Variants in CARHSP1 observed in about 807,000 individuals in gnomAD.
The protein encoded by CARHSP1 is calcium-regulated heat-stable protein 1.
In CARHSP1, 14 loss-of-function variants were observed where a neutral mutation model predicts 12.5. The observed-to-expected ratio is 1.12, with a 90% confidence interval of 0.74 to 1.75. The LOEUF (loss-of-function observed/expected upper bound fraction) is 1.75, where lower values mean the gene tolerates loss of function less well. Among genes scored for constraint, CARHSP1 ranks in the 40% most tolerant of loss-of-function variants. The pLI, the probability that CARHSP1 is intolerant of heterozygous loss-of-function variation, is 0.00. For missense variants in CARHSP1, 343 were observed against 201.6 expected, an observed-to-expected ratio of 1.70 and a Z score of -4.25; for synonymous variants, 161 against 82.0, an observed-to-expected ratio of 1.96 and a Z score of -5.20.
Position 8,858,477 on chromosome 16 carries a change from C to CAA in CARHSP1, c.159-6_159-5insTT, listed in dbSNP as rs775378423. 8 of 1,613,068 alleles carry CAA rather than the reference C, an allele frequency of 5.0e-6. No homozygotes were observed. Among genetic ancestry groups the CAA allele is most frequent in the Non-Finnish European group, 5.9e-6 (7 of 1,179,878 alleles). On this transcript the variant is annotated splice_region_variant and splice_polypyrimidine_tract_variant and intron_variant, in intron 2 of 3. Coordinates refer to ENST00000311052, the MANE Select transcript of CARHSP1 (RefSeq NM_014316.4). ...CCCTGTGAAGCCCGCACCGTCCTGA[C>CAA]AGAGAGGGGGAAATGTCAGGGGCCC...
At chr16:8,861,824 A>G in intron 1 of CARHSP1, 1 of 1,196,100 alleles carries the variant, frequency 8.4e-7, no homozygotes, top group Non-Finnish European at 1.1e-6. Flanking sequence ...CAACGCCCAG[A>G]GTTCCAGGAA....
At chr16:8,858,516 G>GGGCACACAAAGCTCATTCCAGCCCCTGCC (rs1567183242) in intron 2 of CARHSP1, 44 bp from the exon 3 acceptor site, 1 of 1,603,474 alleles carries the variant, frequency 6.2e-7, no homozygotes, top group South Asian at 1.1e-5. Context: ...CAGCGCTCCT[G>GGGCACACAAAGCTCATTCCAGCCCCTGCC]GGCACACAAA....
intron 1 of CARHSP1, among the ~76,000 whole-genome samples, chr16:8,864,641 C>CA (rs2141124927): frequency 6.6e-6 from 1 of 152,324 alleles, no homozygotes; most frequent in Admixed American, 6.5e-5. Flanking sequence ...GGAGAGGCTG[C>CA]ACCAGGAGGT....
In CARHSP1 at chr16:8,860,114, G is replaced by C. The variant is rs534152353; in HGVS notation, c.-7-779C>G. The C allele has an allele frequency of 1.1e-4, 104 of 985,134 alleles. No individual in the cohort carries two copies. The African/African-American group carries it at 1.5e-3, about 14-fold the overall frequency. 61.0% of individuals were successfully genotyped at this position (985,134 alleles called of 1,614,324 possible). Reference sequence around the variant, plus strand: ...AGGGGCAAAAACTGACCCTCACGCAGTGTCCGCCTCCAGGGAACTGTGGAA... The same window carrying C: ...AGGGGCAAAAACTGACCCTCACGCACTGTCCGCCTCCAGGGAACTGTGGAA... On this transcript the variant is annotated intron_variant, in intron 1 of 3. Transcript: ENST00000311052.
intron 1 of CARHSP1, among the ~76,000 whole-genome samples, chr16:8,865,962 T>C (rs1017567387): frequency 6.6e-6 from 1 of 152,130 alleles, no homozygotes; most frequent in Non-Finnish European, 1.5e-5. Flanking sequence ...ATTTCTTTTT[T>C]ATTTTTTTTG....
chr16:8,860,872 G>GA (rs1361935293), intron 1 of CARHSP1, among the ~76,000 whole-genome samples: 1 of 151,728 alleles, frequency 6.6e-6, no homozygotes, highest in Non-Finnish European at 1.5e-5. Context: ...CCAACATGGT[G>GA]AAAACCAGTC....
At chr16:8,865,852 T>C (rs1269254113) in intron 1 of CARHSP1, among the ~76,000 whole-genome samples, 1 of 152,258 alleles carries the variant, frequency 6.6e-6, no homozygotes, top group Non-Finnish European at 1.5e-5. Context: ...GTTAAGCCAG[T>C]GATTCTACTT....
chr16:8,857,268 T>TTGTTTTTTGTTTTTTG (rs1295437087), intron 3 of CARHSP1, among the ~76,000 whole-genome samples: 16 of 20,296 alleles, frequency 7.9e-4, no homozygotes, highest in East Asian at 2.9e-3. Flanking sequence ...GATCTGTTTT[T>TTGTTTTTTGTTTTTTG]TTTTTTTTTT....
intron 1 of CARHSP1, among the ~76,000 whole-genome samples, chr16:8,865,081 T>A (rs1210626340): frequency 1.3e-5 from 2 of 152,200 alleles, no homozygotes; most frequent in African/African-American, 4.8e-5. Flanking sequence ...TACACTCTAG[T>A]AAGAGGGAGC....
chr16:8,858,949 C>G, intron 2 of CARHSP1: 1 of 475,816 alleles, frequency 2.1e-6, no homozygotes, highest in Non-Finnish European at 3.7e-6. Flanking sequence ...ACTGCCCACC[C>G]ATTGCCACTC....
At chr16:8,866,665 G>A (rs904813400) in intron 1 of CARHSP1, among the ~76,000 whole-genome samples, 2 of 151,930 alleles carry the variant, frequency 1.3e-5, no homozygotes, top group Non-Finnish European at 2.9e-5. Context: ...TCCGGGGAGA[G>A]CGGGGGGTCT....
At chr16:8,858,812 C>G (rs1314657489) in intron 2 of CARHSP1, 1 of 412,230 alleles carries the variant, frequency 2.4e-6, no homozygotes, top group Admixed American at 4.1e-5. Flanking sequence ...AGACCTGCAT[C>G]TGCCAGGCAT....
intron 1 of CARHSP1, among the ~76,000 whole-genome samples, chr16:8,861,423 C>A (rs75831927): frequency 3.3e-5 from 5 of 151,736 alleles, no homozygotes; most frequent in African/African-American, 9.7e-5. Flanking sequence ...TTTGCCCCCC[C>A]AGTCCCCTCA....
chr16:8,859,464 A>T, intron 1 of CARHSP1, 129 bp from the exon 2 acceptor site: 1 of 834,936 alleles, frequency 1.2e-6, no homozygotes, highest in East Asian at 2.8e-5. Flanking sequence ...CACCATTGTC[A>T]CCTTGTCTGG....
Position 8,853,027 on chromosome 16 carries a change from C to G in CARHSP1, c.*2137G>C, listed in dbSNP as rs1452001016. ...GATTCAGGAATCCTCAATTTTAGCT[C>G]TCGCTCTGTCACCAAAACCCTCCGT... On this transcript the variant is annotated 3_prime_UTR_variant, in exon 4 of 4. Coordinates refer to ENST00000311052, the MANE Select transcript of CARHSP1 (RefSeq NM_014316.4). 1 of 152,160 alleles carries G rather than the reference C, an allele frequency of 6.6e-6. No individual in the cohort carries two copies. Among genetic ancestry groups the G allele is most frequent in the African/African-American group, 2.4e-5 (1 of 41,412 alleles). The allele number at this position is 152,160 out of a possible 1,614,324, so 9.4% of individuals were successfully genotyped here. A position where few individuals can be genotyped will look rare whatever the true frequency, so the allele number is the denominator to read the frequency against.
In CARHSP1 at chr16:8,854,104, C is replaced by CA. The variant is rs2061021584; in HGVS notation, c.*1059dup. Reference sequence around the variant, plus strand: ...GTCTCCCACCCTGCCAAAAAGTTTGCAATGTCGGCAGCAAAGTGCAAACAG... The same window carrying CA: ...GTCTCCCACCCTGCCAAAAAGTTTGCAAATGTCGGCAGCAAAGTGCAAACAG... On this transcript the variant is annotated 3_prime_UTR_variant, in exon 4 of 4. Transcript: ENST00000311052. The CA allele has an allele frequency of 6.6e-6, 1 of 151,842 alleles. No individual in the cohort carries two copies. The highest frequency in any genetic ancestry group is 6.6e-5 in the Admixed American group (1 of 15,236). The allele number at this position is 151,842 out of a possible 1,614,324, so 9.4% of individuals were successfully genotyped here.
At position 8,854,044 on chromosome 16, in the gene CARHSP1, A is replaced by T. The variant is rs1435039797; in HGVS notation, c.*1120T>A. On this transcript the variant is annotated 3_prime_UTR_variant, in exon 4 of 4. Transcript: ENST00000311052. Reference sequence around the variant, plus strand: ...GGTTGCAGTAAGCTGAGATCGGGCCACTGCACTCCAGCCTGGGTGACAGAA... The same window carrying T: ...GGTTGCAGTAAGCTGAGATCGGGCCTCTGCACTCCAGCCTGGGTGACAGAA... 1 of 152,206 alleles carries T rather than the reference A, an allele frequency of 6.6e-6. No individual in the cohort carries two copies. Among genetic ancestry groups the T allele is most frequent in the Non-Finnish European group, 1.5e-5 (1 of 68,048 alleles). The allele number at this position is 152,206 out of a possible 1,614,324, so 9.4% of individuals were successfully genotyped here.
chr16:8,863,204 C>T (rs1399409662), intron 1 of CARHSP1, among the ~76,000 whole-genome samples: 1 of 146,398 alleles, frequency 6.8e-6, no homozygotes, highest in African/African-American at 2.5e-5. Flanking sequence ...ACTGAAGCCT[C>T]TCAACCTCCT....
In CARHSP1 at chr16:8,858,443, T is replaced by G; in HGVS notation, c.188A>C (p.Tyr63Ser). Residue 63 changes from tyrosine to serine, a missense_variant, in exon 3 of 4, where the codon TAC becomes TCC. Transcript: ENST00000311052. ...GCAGAAGCATTTGCAGACTCCTTTGTAGACGGGGCCCTGTGAAGCCCGCAC... is the reference window on the plus strand; with the variant it reads ...GCAGAAGCATTTGCAGACTCCTTTGGAGACGGGGCCCTGTGAAGCCCGCAC... ...ATVRASQGPV[Y>S]KGVCKCFCRS... The G allele has an allele frequency of 6.2e-7, 1 of 1,613,952 alleles. No homozygotes were observed. Among genetic ancestry groups the G allele is most frequent in the Non-Finnish European group, 8.5e-7 (1 of 1,180,006 alleles).
Sources: allele counts gnomAD v4.1 joint callset (sites outside exome capture counted in the v4.1 genomes callset), GRCh38; gene constraint gnomAD v4.1.1; transcripts MANE v1.5; gene names NCBI Gene and HGNC (gene_info 2026-07-23, HGNC 2026-07-21).